Variants in GDF11 observed in about 807,000 individuals in gnomAD.
The protein encoded by GDF11 is growth/differentiation factor 11.
GDF11 carries 12 observed loss-of-function variants against 34.4 expected under a neutral mutation model. The ratio of observed to expected loss-of-function variants is 0.35; its 90% CI spans 0.22 to 0.57. The LOEUF is 0.57. Among genes scored for constraint, GDF11 ranks in the 20% least tolerant of loss-of-function variants. GDF11 has a pLI of 0.86. For missense variants in GDF11, 346 were observed against 548.2 expected, an observed-to-expected ratio of 0.63 and a Z score of 3.68; for synonymous variants, 212 against 231.1, an observed-to-expected ratio of 0.92 and a Z score of 0.75.
In GDF11 at chr12:55,748,836, A is replaced by G. The variant is rs1379615492; in HGVS notation, c.696A>G (p.Ser232=). The change falls in exon 2 of 3, where the codon TCA becomes TCG. Residue 232 remains serine, a synonymous_variant. Transcript: ENST00000257868. The surrounding 1 kb of genome is among the most constrained non-coding windows in gnomAD (Gnocchi z 5.6). ...RSLKIELHSR[S]GHWQSIDFKQ... is the part of the protein sequence containing the mutation. The stretch of plus-strand genomic sequence containing the variant: ...TGAAGATTGAGCTGCACTCACGCTC[A>G]GGCCATTGGCAGAGCATCGACTTCA... The G allele has an allele frequency of 6.2e-7, 1 of 1,613,992 alleles. No individual in the cohort carries two copies. The highest frequency in any genetic ancestry group is 1.3e-5 in the African/African-American group (1 of 75,064).
chr12:55,748,101 CCTCT>C lies in GDF11; in HGVS notation c.446-482_446-479del, dbSNP rs947200197. Among the ~76,000 whole-genome samples, 2 of 152,194 alleles carry C rather than the reference CCTCT, an allele frequency of 1.3e-5. No individual in the cohort carries two copies. The highest frequency in any genetic ancestry group is 2.1e-4 in the South Asian group (1 of 4,824). ...TCCCTATCTGGACCCTGGGTTATCC[CCTCT>C]CTGAGGCCATCTGTGTTATTTTGTG... is the stretch of plus-strand genomic sequence containing the variant. On this transcript the variant is annotated intron_variant, in intron 1 of 2. Coordinates refer to ENST00000257868, the MANE Select transcript of GDF11 (RefSeq NM_005811.5). This position sits in a 1 kb window ranked among gnomAD's most constrained non-coding sequence, Gnocchi z 5.6.
In GDF11 at chr12:55,748,010, T is replaced by C. The variant is rs991975057; in HGVS notation, c.446-576T>C. Among the ~76,000 whole-genome samples, 1 of 152,200 alleles carries C rather than the reference T, an allele frequency of 6.6e-6. No individual in the cohort carries two copies. Among genetic ancestry groups the C allele is most frequent in the African/African-American group, 2.4e-5 (1 of 41,430 alleles). ...CCATTTTGCTGGGTGTTATTCCTAA[T>C]GGGAGTGAGGCAAGAAGCCTAGATC... On this transcript the variant is annotated intron_variant, in intron 1 of 2. Coordinates refer to ENST00000257868, the MANE Select transcript of GDF11 (RefSeq NM_005811.5). The surrounding 1 kb of genome is among the most constrained non-coding windows in gnomAD (Gnocchi z 5.6).
rs762972439 is a variant in GDF11, at chr12:55,743,673, C to T, written c.357C>T (p.Phe119=). ...PLQQILDLHD[F]QGDALQPEDF... Reference sequence around the variant, plus strand: ...AGCAGATCCTGGACCTACACGACTTCCAGGGCGACGCGCTGCAGCCCGAGG... The same window carrying T: ...AGCAGATCCTGGACCTACACGACTTTCAGGGCGACGCGCTGCAGCCCGAGG... The change falls in exon 1 of 3, where the codon TTC becomes TTT. Residue 119 remains phenylalanine (F), a synonymous_variant. Transcript: ENST00000257868. The T allele has an allele frequency of 1.2e-5, 20 of 1,603,790 alleles. 1 individual carries two copies. The South Asian group carries it at 1.9e-4, about 15-fold the overall frequency.
rs1252321823 is a variant in GDF11, at chr12:55,755,439, T to G, written c.*5557T>G. 1 of 152,150 alleles carries G rather than the reference T, an allele frequency of 6.6e-6. No homozygotes were observed. Among genetic ancestry groups the G allele is most frequent in the Non-Finnish European group, 1.5e-5 (1 of 68,022 alleles). The allele number at this position is 152,150 out of a possible 1,614,324, so 9.4% of individuals were successfully genotyped here. ...AGTTCTCCCCACAGCTTTTATAGAC[T>G]CCCTCATTAAGAGCTTCCAGGTATG... On this transcript the variant is annotated 3_prime_UTR_variant, in exon 3 of 3. Coordinates refer to ENST00000257868, the MANE Select transcript of GDF11 (RefSeq NM_005811.5).
Position 55,743,446 on chromosome 12 carries a change from G to T in GDF11, c.130G>T (p.Gly44Trp). The T allele has an allele frequency of 8.4e-7, 1 of 1,197,066 alleles. No individual in the cohort carries two copies. The highest frequency in any genetic ancestry group is 1.0e-6 in the Non-Finnish European group (1 of 963,276). The allele number at this position is 1,197,066 out of a possible 1,614,324, so 74.2% of individuals were successfully genotyped here. The change falls in exon 1 of 3, where the codon GGG becomes TGG. Residue 44 changes from glycine to tryptophan, a missense_variant. By Grantham distance (184) the Gly-to-Trp change is radical. This residue lies in a region of GDF11 where 141 missense variants were observed against 213.8 expected (regional missense o/e 0.66). Coordinates refer to ENST00000257868, the MANE Select transcript of GDF11 (RefSeq NM_005811.5). ...GGCGGCGGCGGCAGCGGCGGGGGTC[G>T]GGGGGGAGCGCTCCAGCCGGCCAGC... ...AAAAAAAAGV[G>W]GERSSRPAPS... is the part of the protein sequence containing the mutation.
rs1476409465 is a variant in GDF11, at chr12:55,750,196, CAAAG to C, written c.*316_*319del. 1 of 303,328 alleles carries C rather than the reference CAAAG, an allele frequency of 3.3e-6. No homozygotes were observed. The highest frequency in any genetic ancestry group is 6.1e-6 in the Non-Finnish European group (1 of 163,202). The allele number at this position is 303,328 out of a possible 1,614,324, so 18.8% of individuals were successfully genotyped here. The stretch of plus-strand genomic sequence containing the variant: ...AACAAAAAGAGCAGCAGTGAGAAGG[CAAAG>C]AGAGAGGCAGAAGAGACAGACGAGG... On this transcript the variant is annotated 3_prime_UTR_variant, in exon 3 of 3. Transcript: ENST00000257868.
At position 55,749,493 on chromosome 12, in the gene GDF11, G is replaced by C; in HGVS notation, c.844-9G>C. On this transcript the variant is annotated splice_polypyrimidine_tract_variant and intron_variant, in intron 2 of 2. Transcript: ENST00000257868. The surrounding 1 kb of genome is among the most constrained non-coding windows in gnomAD (Gnocchi z 5.6). ...TATCACATTTCTTTCCCCTCTCCCTGACCCTCAGCATCCATTCATGGAGCT... is the reference window on the plus strand; with the variant it reads ...TATCACATTTCTTTCCCCTCTCCCTCACCCTCAGCATCCATTCATGGAGCT... 6.2e-7 allele frequency: 1 copy of C among 1,600,962 alleles called. No homozygotes were observed. The highest frequency in any genetic ancestry group is 8.5e-7 in the Non-Finnish European group (1 of 1,170,786).
chr12:55,749,593 G>A lies in GDF11; in HGVS notation c.935G>A (p.Arg312His), dbSNP rs748876101. The A allele has an allele frequency of 3.1e-6, 5 of 1,614,008 alleles. No individual in the cohort carries two copies. The highest frequency in any genetic ancestry group is 2.2e-5 in the East Asian group (1 of 44,892). The change falls in exon 3 of 3, where the codon CGC (arginine) becomes CAC (histidine). Residue 312 changes from arginine (R) to histidine (H), a missense_variant. By Grantham distance (29) the Arg-to-His change is conservative. Around this residue, in one of 3 missense-constraint regions of GDF11, gnomAD observed 205 missense variants for 311.3 expected, o/e 0.66. Transcript: ENST00000257868. The surrounding 1 kb of genome is among the most constrained non-coding windows in gnomAD (Gnocchi z 5.6). ...LDCDEHSSES[R>H]CCRYPLTVDF... ...TGCGACGAGCACTCAAGCGAGTCCC[G>A]CTGCTGCCGATATCCCCTCACAGTG...
rs1878112940 is a variant in GDF11 at position 55,743,628 on chromosome 12, G to A, written c.312G>A (p.Leu104=). The change falls in exon 1 of 3, where the codon CTG becomes CTA. Residue 104 remains leucine, a synonymous_variant. Coordinates refer to ENST00000257868, the MANE Select transcript of GDF11 (RefSeq NM_005811.5). ...NISREVVKQL[L]PKAPPLQQIL... ...GCCGCGAGGTGGTGAAGCAGCTGCT[G>A]CCCAAGGCGCCGCCGCTGCAGCAGA... 6 of 1,604,772 alleles carry A rather than the reference G, an allele frequency of 3.7e-6. No homozygotes were observed. In the Admixed American group the frequency reaches 6.7e-5, roughly 18 times the overall value.
At chr12:55,745,589 G>C (rs1878164879) in intron 1 of GDF11, among the ~76,000 whole-genome samples, 1 of 151,050 alleles carries the variant, frequency 6.6e-6, no homozygotes, top group East Asian at 2.0e-4. Flanking sequence ...GGGGAGTGGA[G>C]GGGAGGGGAG....
chr12:55,751,731 A>T lies in GDF11; in HGVS notation c.*1849A>T, dbSNP rs1478051860. On this transcript the variant is annotated 3_prime_UTR_variant, in exon 3 of 3. Coordinates refer to ENST00000257868, the MANE Select transcript of GDF11 (RefSeq NM_005811.5). Reference sequence around the variant, plus strand: ...GCCTCTTGGCTCCAGGCAAGAGCTTAGAGGATGTCAGGAGAGGTGGGGGTA... The same window carrying T: ...GCCTCTTGGCTCCAGGCAAGAGCTTTGAGGATGTCAGGAGAGGTGGGGGTA... The T allele has an allele frequency of 6.6e-6, 1 of 152,230 alleles. No homozygotes were observed. The highest frequency in any genetic ancestry group is 2.4e-5 in the African/African-American group (1 of 41,444). The allele number at this position is 152,230 out of a possible 1,614,324, so 9.4% of individuals were successfully genotyped here.
At position 55,748,990 on chromosome 12, in the gene GDF11, AG is replaced by A. The variant is rs1210816086; in HGVS notation, c.843+12del. ...GCCGGGAGCCGAGGGGCTGGTGAGC[AG>A]GGGGCCTGAGGTGGTGGATATGTGT... On this transcript the variant is annotated splice_region_variant and intron_variant, in intron 2 of 2. Coordinates refer to ENST00000257868, the MANE Select transcript of GDF11 (RefSeq NM_005811.5). This position sits in a 1 kb window ranked among gnomAD's most constrained non-coding sequence, Gnocchi z 5.6. The A allele has an allele frequency of 5.0e-6, 8 of 1,589,456 alleles. No individual in the cohort carries two copies. Among genetic ancestry groups the A allele is most frequent in the Non-Finnish European group, 6.8e-6 (8 of 1,174,766 alleles).
At position 55,749,994 on chromosome 12, in the gene GDF11, GTTCC is replaced by G. The variant is rs999787918; in HGVS notation, c.*113_*116del. ...CCACTCTTCCCGCGAACATCACACC[GTTCC>G]CCGACCAAGCCGTGTGCAATACAAC... On this transcript the variant is annotated 3_prime_UTR_variant, in exon 3 of 3. Coordinates refer to ENST00000257868, the MANE Select transcript of GDF11 (RefSeq NM_005811.5). The surrounding 1 kb of genome is among the most constrained non-coding windows in gnomAD (Gnocchi z 5.6). The G allele has an allele frequency of 7.5e-6, 7 of 931,982 alleles. No individual in the cohort carries two copies. In the African/African-American group the frequency reaches 1.1e-4, roughly 15 times the overall value. The allele number at this position is 931,982 out of a possible 1,614,324, so 57.7% of individuals were successfully genotyped here. A position where few individuals can be genotyped will look rare whatever the true frequency, so the allele number is the denominator to read the frequency against.
rs1878299726 is a variant in GDF11 at position 55,750,954 on chromosome 12, G to C, written c.*1072G>C. On this transcript the variant is annotated 3_prime_UTR_variant, in exon 3 of 3. Transcript: ENST00000257868. ...CCCTGCTCCCAGCCTCTATCTTCAG[G>C]TCAATTAGAGAGAGTATAGAGACCC... The C allele has an allele frequency of 6.6e-6, 1 of 152,120 alleles. No homozygotes were observed. The highest frequency in any genetic ancestry group is 6.5e-5 in the Admixed American group (1 of 15,276). 9.4% of individuals were successfully genotyped at this position (152,120 alleles called of 1,614,324 possible). A position where few individuals can be genotyped will look rare whatever the true frequency, so the allele number is the denominator to read the frequency against.
At chr12:55,744,728 C>T (rs1878144108) in intron 1 of GDF11, among the ~76,000 whole-genome samples, 1 of 151,694 alleles carries the variant, frequency 6.6e-6, no homozygotes. Context: ...TACAGGGAAC[C>T]AGGCCTCTCT....
Position 55,756,034 on chromosome 12 carries a change from G to A in GDF11, c.*6152G>A, listed in dbSNP as rs1204304660. 1 of 152,118 alleles carries A rather than the reference G, an allele frequency of 6.6e-6. No homozygotes were observed. The highest frequency in any genetic ancestry group is 1.5e-5 in the Non-Finnish European group (1 of 68,038). 9.4% of individuals were successfully genotyped at this position (152,118 alleles called of 1,614,324 possible). The stretch of plus-strand genomic sequence containing the variant: ...TTTCTCTTTTTAAAACCATATTCAG[G>A]AAGAAACCATTAGTGAATCTATAAT... On this transcript the variant is annotated 3_prime_UTR_variant, in exon 3 of 3. Coordinates refer to ENST00000257868, the MANE Select transcript of GDF11 (RefSeq NM_005811.5).
intron 1 of GDF11, 26 bp downstream of exon 1, chr12:55,743,787 G>A: frequency 1.3e-6 from 2 of 1,498,098 alleles, no homozygotes; most frequent in Non-Finnish European, 1.8e-6. Context: ...GGCGCGAGCA[G>A]TGGGGTGCTG....
Position 55,754,677 on chromosome 12 carries a change from A to C in GDF11, c.*4795A>C, listed in dbSNP as rs1878448070. On this transcript the variant is annotated 3_prime_UTR_variant, in exon 3 of 3. Coordinates refer to ENST00000257868, the MANE Select transcript of GDF11 (RefSeq NM_005811.5). ...CACAGTACCCTGATCACCCAGTAAA[A>C]GCTAATATTTATTGAATAATTACTA... 1 of 152,242 alleles carries C rather than the reference A, an allele frequency of 6.6e-6. No individual in the cohort carries two copies. Among genetic ancestry groups the C allele is most frequent in the Non-Finnish European group, 1.5e-5 (1 of 68,044 alleles). The allele number at this position is 152,242 out of a possible 1,614,324, so 9.4% of individuals were successfully genotyped here.
At position 55,754,762 on chromosome 12, in the gene GDF11, C is replaced by G. The variant is rs1408585508; in HGVS notation, c.*4880C>G. 1 of 152,186 alleles carries G rather than the reference C, an allele frequency of 6.6e-6. No homozygotes were observed. The highest frequency in any genetic ancestry group is 1.5e-5 in the Non-Finnish European group (1 of 68,038). 9.4% of individuals were successfully genotyped at this position (152,186 alleles called of 1,614,324 possible). A position where few individuals can be genotyped will look rare whatever the true frequency, so the allele number is the denominator to read the frequency against. ...CATGATATGAGAATATCACTTAATT[C>G]ACACAGCAACCTTCACAATGGGGTT... On this transcript the variant is annotated 3_prime_UTR_variant, in exon 3 of 3. Coordinates refer to ENST00000257868, the MANE Select transcript of GDF11 (RefSeq NM_005811.5).
Sources: allele counts gnomAD v4.1 joint callset (sites outside exome capture counted in the v4.1 genomes callset), GRCh38; gene constraint gnomAD v4.1.1; regional missense constraint gnomAD v4.1.1; non-coding constraint Gnocchi (gnomAD v3.1); transcripts MANE v1.5; gene names NCBI Gene and HGNC (gene_info 2026-07-23, HGNC 2026-07-21).